The following TLN2 variants were observed in gnomAD, a reference collection of about 807,000 sequenced individuals.
TLN2 encodes the protein talin 2.
In TLN2, 118 loss-of-function variants were observed where a neutral mutation model predicts 294.7. That is an observed-to-expected ratio of 0.40 (90% confidence interval 0.34 to 0.47). TLN2 has a LOEUF of 0.47. Ranked by LOEUF, TLN2 falls within the 20% of genes least tolerant of loss-of-function variation. The probability of loss-of-function intolerance (pLI) is 0.84; values close to 1 mark genes in which losing one functional copy is unlikely to be tolerated. For synonymous variants in TLN2, 1,431 were observed against 1,304.5 expected (o/e 1.10, Z -2.09); for missense variants, 3,083 against 3,282.2 (o/e 0.94, Z 1.48).
chr15:62,777,927 G>A (rs929443261), intron 43 of TLN2, among the ~76,000 whole-genome samples: 6 of 152,158 alleles, frequency 3.9e-5, no homozygotes, highest in South Asian at 2.1e-4. Context: ...TAGAAAGAAT[G>A]CTTGTTCATC....
intron 54 of TLN2, among the ~76,000 whole-genome samples, chr15:62,821,828 G>A (rs1264292125): frequency 6.6e-6 from 1 of 152,150 alleles, no homozygotes; most frequent in Admixed American, 6.5e-5. Context: ...TTCTGGTTAC[G>A]CCTTTGTTTC....
At chr15:62,577,163 G>C (rs1420580845) in intron 1 of TLN2, among the ~76,000 whole-genome samples, 2 of 152,226 alleles carry the variant, frequency 1.3e-5, no homozygotes, top group Non-Finnish European at 2.9e-5. Flanking sequence ...ATACTACTTT[G>C]CCGGGCGCGG....
chr15:62,803,887 A>AT (rs1421506540), intron 50 of TLN2, among the ~76,000 whole-genome samples: 2 of 152,264 alleles, frequency 1.3e-5, no homozygotes, highest in East Asian at 3.9e-4. Context: ...TTAGGTATTT[A>AT]TTATAGTCTT....
At chr15:62,722,294 T>C in intron 25 of TLN2, 59 bp from the exon 26 acceptor site, 1 of 1,544,472 alleles carries the variant, frequency 6.5e-7, no homozygotes, top group East Asian at 2.3e-5. Flanking sequence ...TGCTTAGGTC[T>C]CTCCTCTCTA....
chr15:62,425,741 A>G (rs1566961735), intron 1 of TLN2, among the ~76,000 whole-genome samples: 2 of 152,242 alleles, frequency 1.3e-5, no homozygotes, highest in East Asian at 1.9e-4. Flanking sequence ...CTGGTACTCT[A>G]GGTTTGGAGT....
chr15:62,550,565 T>C (rs1034646541), intron 1 of TLN2, among the ~76,000 whole-genome samples: 3 of 152,198 alleles, frequency 2.0e-5, no homozygotes, highest in African/African-American at 7.2e-5. Context: ...TTTTCAGTAT[T>C]TAGAATAATA....
chr15:62,451,670 G>A (rs1249469872), intron 1 of TLN2, among the ~76,000 whole-genome samples: 1 of 152,164 alleles, frequency 6.6e-6, no homozygotes, highest in Admixed American at 6.5e-5. Context: ...AAAGAAAAGA[G>A]GAATTGGCTC....
At chr15:62,809,590 T>A (rs1226958843) in intron 51 of TLN2, among the ~76,000 whole-genome samples, 1 of 152,198 alleles carries the variant, frequency 6.6e-6, no homozygotes, top group East Asian at 1.9e-4. Context: ...TAAGCGCTGA[T>A]CATGAATCTT....
At chr15:62,630,901 G>T (rs2049742730) in intron 3 of TLN2, among the ~76,000 whole-genome samples, 1 of 152,088 alleles carries the variant, frequency 6.6e-6, no homozygotes, top group Admixed American at 6.5e-5. Flanking sequence ...AGAGGGGGAG[G>T]AGTGTGAAGG....
chr15:62,795,479 C>T (rs1317422944), intron 46 of TLN2, among the ~76,000 whole-genome samples: 1 of 152,146 alleles, frequency 6.6e-6, no homozygotes, highest in Non-Finnish European at 1.5e-5. Flanking sequence ...ACATGGAAGA[C>T]ACCCGAGTGA....
chr15:62,539,042 A>G (rs974015634), intron 1 of TLN2, among the ~76,000 whole-genome samples: 4 of 152,196 alleles, frequency 2.6e-5, no homozygotes, highest in African/African-American at 4.8e-5. Flanking sequence ...GAGAATACCC[A>G]TGGAGTCTAA....
chr15:62,408,413 C>T (rs756332931), intron 1 of TLN2, among the ~76,000 whole-genome samples: 2 of 152,168 alleles, frequency 1.3e-5, no homozygotes, highest in Non-Finnish European at 2.9e-5. Context: ...AAGATGGGCC[C>T]CCAAAATTCT....
chr15:62,575,837 G>C (rs1280795129), intron 1 of TLN2, among the ~76,000 whole-genome samples: 4 of 152,186 alleles, frequency 2.6e-5, no homozygotes, highest in African/African-American at 9.7e-5. Flanking sequence ...CTATTCTCCA[G>C]GTGTATGGAA....
chr15:62,679,419 A>G (rs928725685), intron 11 of TLN2, among the ~76,000 whole-genome samples: 26 of 139,836 alleles, frequency 1.9e-4, no homozygotes, highest in African/African-American at 5.4e-4. Context: ...TTACAATGCA[A>G]TATCATTCAG....
At chr15:62,549,083 A>G (rs1178452843) in intron 1 of TLN2, among the ~76,000 whole-genome samples, 1 of 152,130 alleles carries the variant, frequency 6.6e-6, no homozygotes, top group Non-Finnish European at 1.5e-5. Context: ...TTAGCTGTTT[A>G]GTAGGACTGT....
intron 11 of TLN2, chr15:62,684,071 T>G (rs747446868): frequency 3.9e-5 from 6 of 152,344 alleles, no homozygotes; most frequent in Non-Finnish European, 7.3e-5. Flanking sequence ...CAGTATTTTT[T>G]GAGTTCCCTC....
At chr15:62,733,283 G>A (rs1273254756) in intron 28 of TLN2, among the ~76,000 whole-genome samples, 1 of 152,166 alleles carries the variant, frequency 6.6e-6, no homozygotes, top group Non-Finnish European at 1.5e-5. Flanking sequence ...TTAGCTTTAG[G>A]AATAAGGAGA....
In TLN2 at chr15:62,772,106, A is replaced by G. The variant is rs545576961; in HGVS notation, c.5367+972A>G. Among the ~76,000 whole-genome samples, 13 of 152,068 alleles carry G rather than the reference A, an allele frequency of 8.5e-5. No homozygotes were observed. The South Asian group carries it at 2.7e-3, about 32-fold the overall frequency. ...CCATATCTGGCTAGCCTGCTTGCTC[A>G]TTTATTTACTTATTTACTTAATAAG... On this transcript the variant is annotated intron_variant, in intron 42 of 58. Coordinates refer to ENST00000636159, the MANE Select transcript of TLN2 (RefSeq NM_015059.3).
At chr15:62,719,721 TC>T in intron 24 of TLN2, 45 bp from the exon 25 acceptor site, 1 of 1,467,356 alleles carries the variant, frequency 6.8e-7, no homozygotes, top group Non-Finnish European at 9.2e-7. Context: ...CTTTGGATGG[TC>T]CCACCATTCT....
Sources: allele counts gnomAD v4.1 joint callset (sites outside exome capture counted in the v4.1 genomes callset), GRCh38; gene constraint gnomAD v4.1.1; transcripts MANE v1.5; gene names NCBI Gene and HGNC (gene_info 2026-07-23, HGNC 2026-07-21).